The following PHF10 variants were observed in gnomAD, a reference collection of about 807,000 sequenced individuals.
PHF10 encodes the protein PHD finger protein 10.
In PHF10, 51 loss-of-function variants were observed where a neutral mutation model predicts 68.5. That is an observed-to-expected ratio of 0.74 (90% CI 0.59 to 0.94). PHF10 has a LOEUF of 0.94. Among genes scored for constraint, PHF10 ranks in the 40% least tolerant of loss-of-function variants. The pLI, the probability that PHF10 is intolerant of heterozygous loss-of-function variation, is 0.00. For synonymous variants in PHF10, 204 were observed against 203.5 expected (o/e 1.00, Z -0.02); for missense variants, 460 against 602.6 (o/e 0.76, Z 2.48).
chr6:169,706,080 T>A (rs1313333063), intron 9 of PHF10, among the ~76,000 whole-genome samples: 1 of 152,188 alleles, frequency 6.6e-6, no homozygotes, highest in Non-Finnish European at 1.5e-5. Flanking sequence ...GACCATTATG[T>A]GTAAGACTTA....
chr6:169,706,727 T>TACATACACACACACACAC (rs1490874788), intron 9 of PHF10, among the ~76,000 whole-genome samples: 4 of 127,366 alleles, frequency 3.1e-5, no homozygotes, highest in Non-Finnish European at 6.8e-5. Context: ...CATACATACA[T>TACATACACACACACACAC]ACACACACAC....
rs567420250 is a variant in PHF10, at chr6:169,710,827, C to T, written c.958-436G>A. ...AGAAGGTCCTTCAGGAAAAATGAAGCGCTGCAGTTAGGAAAAAAAAAAAAA... is the reference window on the plus strand; with the variant it reads ...AGAAGGTCCTTCAGGAAAAATGAAGTGCTGCAGTTAGGAAAAAAAAAAAAA... On this transcript the variant is annotated intron_variant, in intron 8 of 11. Transcript: ENST00000339209. Among the ~76,000 whole-genome samples the T allele has an allele frequency of 2.2e-3, 329 of 150,208 alleles. 1 individual carries two copies. Among genetic ancestry groups the T allele is most frequent in the South Asian group, 4.2e-3 (20 of 4,750 alleles).
At chr6:169,705,443 AAATG>A in intron 10 of PHF10, 122 bp from the exon 11 acceptor site, 2 of 742,090 alleles carry the variant, frequency 2.7e-6, no homozygotes, top group South Asian at 3.7e-5. Context: ...CGCCAAAGAG[AAATG>A]AATATACAAT....
chr6:169,704,958 A>C (rs931056892), intron 11 of PHF10, 175 bp downstream of exon 11: 11 of 436,720 alleles, frequency 2.5e-5, no homozygotes, highest in African/African-American at 2.2e-4. Context: ...CTTTAGTTGG[A>C]ATTGTCTAGG....
At chr6:169,709,027 C>G (rs1788869501) in intron 9 of PHF10, 1 of 151,978 alleles carries the variant, frequency 6.6e-6, no homozygotes, top group Non-Finnish European at 1.5e-5. Flanking sequence ...CCCTTGGAAG[C>G]CAACCCTTGC....
intron 9 of PHF10, chr6:169,708,564 A>C (rs1382744526): frequency 6.6e-6 from 1 of 152,152 alleles, no homozygotes; most frequent in Non-Finnish European, 1.5e-5. Context: ...CATCTTTGAA[A>C]TACCTGAAAC....
At chr6:169,706,078 T>A (rs1235986162) in intron 9 of PHF10, among the ~76,000 whole-genome samples, 1 of 152,200 alleles carries the variant, frequency 6.6e-6, no homozygotes, top group Non-Finnish European at 1.5e-5. Flanking sequence ...ATGACCATTA[T>A]GTGTAAGACT....
chr6:169,721,637 A>G (rs1387271439), intron 1 of PHF10, among the ~76,000 whole-genome samples: 3 of 152,158 alleles, frequency 2.0e-5, no homozygotes, highest in Non-Finnish European at 4.4e-5. Context: ...ATATAGCAGC[A>G]CACACACCAA....
chr6:169,717,877 CCTT>C lies in PHF10; in HGVS notation c.352_354del (p.Lys118del). On this transcript the variant is annotated inframe_deletion, in exon 4 of 12. Coordinates refer to ENST00000339209, the MANE Select transcript of PHF10 (RefSeq NM_018288.4). The stretch of plus-strand genomic sequence containing the variant: ...TTTAGCTCTCTCAGGTAGAGTTTCT[CCTT>C]GTGAGACAAATCTCGTCGCTCTAAA... 5 of 1,568,580 alleles carry C rather than the reference CCTT, an allele frequency of 3.2e-6. No individual in the cohort carries two copies. The highest frequency in any genetic ancestry group is 4.4e-6 in the Non-Finnish European group (5 of 1,144,844).
rs1180980904 is a variant in PHF10 at position 169,718,837 on chromosome 6, T to C, written c.276A>G (p.Glu92=). 2.5e-6 allele frequency: 4 copies of C among 1,598,240 alleles called. No individual in the cohort carries two copies. The East Asian group carries it at 6.7e-5, about 27-fold the overall frequency. ...TCACACCCAAATATTCACTGACTTGTTCTTGAAGCATATAGTATTCTCCTG... is the reference window on the plus strand; with the variant it reads ...TCACACCCAAATATTCACTGACTTGCTCTTGAAGCATATAGTATTCTCCTG... ...DETGEYYMLQ[E]QVSEYLGVTS... is the part of the protein sequence containing the mutation. Residue 92 remains glutamate (E), a synonymous_variant, in exon 3 of 12, where the codon GAA becomes GAG. Transcript: ENST00000339209.
At chr6:169,713,958 C>CA (rs941706006) in intron 7 of PHF10, among the ~76,000 whole-genome samples, 1 of 151,938 alleles carries the variant, frequency 6.6e-6, no homozygotes, top group Admixed American at 6.6e-5. Flanking sequence ...CCACCTCTAC[C>CA]AAAAATACAA....
intron 11 of PHF10, chr6:169,704,312 T>C (rs568428830): frequency 4.4e-4 from 220 of 495,040 alleles, no homozygotes; most frequent in African/African-American, 3.9e-3. Flanking sequence ...ATGGGAGAGA[T>C]GCAATGCCAT....
rs199742183 is a variant in PHF10 at position 169,720,971 on chromosome 6, C to CA, written c.194+33dup. ...GATGTTAAGGCAAAGAGGAACATCA[C>CA]AAAAAATATTAATAACCGATAAAAT... On this transcript the variant is annotated intron_variant, in intron 2 of 11. Coordinates refer to ENST00000339209, the MANE Select transcript of PHF10 (RefSeq NM_018288.4). The CA allele has an allele frequency of 2.0e-3, 2,433 of 1,195,590 alleles. 36 individuals carry two copies. The African/African-American group carries it at 0.031, about 15-fold the overall frequency. 74.1% of individuals were successfully genotyped at this position (1,195,590 alleles called of 1,614,324 possible).
chr6:169,712,299 T>C (rs1208489845), intron 8 of PHF10, 87 bp downstream of exon 8: 26 of 1,134,392 alleles, frequency 2.3e-5, no homozygotes, highest in Admixed American at 9.8e-5. Flanking sequence ...ACCATCCTTT[T>C]TCAAGGAGAG....
intron 7 of PHF10, among the ~76,000 whole-genome samples, chr6:169,713,361 G>A (rs921235955): frequency 1.3e-5 from 2 of 152,164 alleles, no homozygotes; most frequent in Non-Finnish European, 2.9e-5. Context: ...CATTTCGGGA[G>A]GCCAAGGTGG....
At position 169,723,944 on chromosome 6, in the gene PHF10, C is replaced by G. The variant is rs1789254077; in HGVS notation, c.-13G>C. The G allele has an allele frequency of 1.1e-6, 1 of 909,346 alleles. No homozygotes were observed. Among genetic ancestry groups the G allele is most frequent in the African/African-American group, 1.8e-5 (1 of 55,070 alleles). 56.3% of individuals were successfully genotyped at this position (909,346 alleles called of 1,614,324 possible). A position where few individuals can be genotyped will look rare whatever the true frequency, so the allele number is the denominator to read the frequency against. On this transcript the variant is annotated 5_prime_UTR_variant, in exon 1 of 12. Transcript: ENST00000339209. ...CCGCCGCCGCCATCAGCCCGAGCGC[C>G]CCGCGCCGCCGCCGCCGCCGTCGCC...
intron 8 of PHF10, among the ~76,000 whole-genome samples, chr6:169,711,302 G>A (rs1788922739): frequency 6.6e-6 from 1 of 151,988 alleles, no homozygotes; most frequent in South Asian, 2.1e-4. Context: ...AATATTCTTT[G>A]AACTGCATTT....
chr6:169,723,234 A>C (rs1471525334), intron 1 of PHF10, among the ~76,000 whole-genome samples: 2 of 152,114 alleles, frequency 1.3e-5, no homozygotes, highest in Non-Finnish European at 2.9e-5. Flanking sequence ...TGCTAGCCTA[A>C]CTTTAGAACC....
intron 3 of PHF10, 120 bp from the exon 4 acceptor site, chr6:169,718,026 T>C (rs1215417952): frequency 6.2e-6 from 3 of 482,050 alleles, no homozygotes; most frequent in Non-Finnish European, 1.1e-5. Flanking sequence ...CCAAATATTA[T>C]TAAAGGGGCT....
Sources: allele counts gnomAD v4.1 joint callset (sites outside exome capture counted in the v4.1 genomes callset), GRCh38; gene constraint gnomAD v4.1.1; transcripts MANE v1.5; gene names NCBI Gene and HGNC (gene_info 2026-07-23, HGNC 2026-07-21).